PCNX1: variants seen among roughly 807,000 people sequenced by gnomAD.
PCNX1 encodes the protein pecanex-like protein 1.
A neutral mutation model predicts 242.2 loss-of-function variants in PCNX1; 78 were observed. That is an observed-to-expected ratio of 0.32 (90% confidence interval 0.27 to 0.39). The LOEUF (loss-of-function observed/expected upper bound fraction) is 0.39, where lower values mean the gene tolerates loss of function less well. Ranked by LOEUF, PCNX1 falls within the 10% of genes least tolerant of loss-of-function variation. PCNX1 has a pLI of 1.00. For synonymous variants in PCNX1, 1,024 were observed against 1,032.9 expected (o/e 0.99, Z 0.17); for missense variants, 2,581 against 2,856.5 (o/e 0.90, Z 2.20).
chr14:71,115,105 G>C lies in PCNX1; in HGVS notation c.*5170G>C, dbSNP rs895820739. The C allele has an allele frequency of 1.3e-5, 2 of 152,582 alleles. No homozygotes were observed. Among genetic ancestry groups the C allele is most frequent in the Admixed American group, 6.5e-5 (1 of 15,276 alleles). The allele number at this position is 152,582 out of a possible 1,614,324, so 9.5% of individuals were successfully genotyped here. On this transcript the variant is annotated 3_prime_UTR_variant, in exon 36 of 36. Transcript: ENST00000304743. ...TGAAAATGATTCTAGGAAAGTGAAC[G>C]TAAGAAAGGAAAATGGGTTTTCCTT...
Position 71,111,809 on chromosome 14 carries a change from G to T in PCNX1, c.*1874G>T, listed in dbSNP as rs1450603751. 1.3e-5 allele frequency: 2 copies of T among 152,084 alleles called. No individual in the cohort carries two copies. Among genetic ancestry groups the T allele is most frequent in the Non-Finnish European group, 2.9e-5 (2 of 67,938 alleles). 9.4% of individuals were successfully genotyped at this position (152,084 alleles called of 1,614,324 possible). ...GACTTCACACTTTACAAAATTTACT[G>T]TTTAAAAATACTTGTCAAATGATTT... On this transcript the variant is annotated 3_prime_UTR_variant, in exon 36 of 36. Transcript: ENST00000304743.
chr14:70,910,031 CCCTCCTCCTCCTCCTCCT>C (rs146962491), intron 1 of PCNX1, among the ~76,000 whole-genome samples: 2 of 9,618 alleles, frequency 2.1e-4, no homozygotes, highest in Admixed American at 1.1e-3. Flanking sequence ...GACGACTCCT[CCCTCCTCCTCCTCCTCCT>C]CCTCCTCCTC....
intron 2 of PCNX1, among the ~76,000 whole-genome samples, chr14:70,950,715 C>T (rs1170162028): frequency 2.0e-5 from 3 of 151,466 alleles, no homozygotes; most frequent in Non-Finnish European, 4.4e-5. Flanking sequence ...GTTTAATATT[C>T]CCGTTTTTGA....
Position 70,997,290 on chromosome 14 carries a change from C to A in PCNX1, c.2629+1365C>A, listed in dbSNP as rs74060523. ...ATCTGCAGATATAAAATTACAGTTA[C>A]CATCTCATTGTTCATTGGCTTTATA... On this transcript the variant is annotated intron_variant, in intron 8 of 35. Transcript: ENST00000304743. Among the ~76,000 whole-genome samples, 1,335 of 152,196 alleles carry A rather than the reference C, an allele frequency of 8.8e-3. 28 individuals are homozygous for A. Among genetic ancestry groups the A allele is most frequent in the African/African-American group, 0.03 (1,260 of 41,548 alleles).
At chr14:71,013,562 G>GTTATTTTTTTTTTTTTTTTTTT in intron 11 of PCNX1, among the ~76,000 whole-genome samples, 1 of 145,564 alleles carries the variant, frequency 6.9e-6, no homozygotes, top group African/African-American at 2.5e-5. Flanking sequence ...TGTTTCCCTG[G>GTTATTTTTTTTTTTTTTTTTTT]TTCTTAACAC....
intron 7 of PCNX1, among the ~76,000 whole-genome samples, chr14:70,994,426 T>TATATATATATATATATATATATATAG (rs1387360991): frequency 4.6e-4 from 53 of 114,952 alleles, no homozygotes; most frequent in Middle Eastern, 3.9e-3. Context: ...TATATATATA[T>TATATATATATATATATATATATATAG]ATATGTATGT....
chr14:70,948,697 A>C (rs2051865), intron 2 of PCNX1, among the ~76,000 whole-genome samples: 1 of 148,954 alleles, frequency 6.7e-6, no homozygotes, highest in Non-Finnish European at 1.5e-5. Context: ...ATACACGTGT[A>C]TATATACACA....
rs2055621282 is a variant in PCNX1, at chr14:70,907,758, G to A, written c.-93G>A. ...CCGGAGCTCCGGAGGTGGATAGACG[G>A]GGCAGCTGCAGGCTCCGGCGACCGA... On this transcript the variant is annotated 5_prime_UTR_variant, in exon 1 of 36. Transcript: ENST00000304743. 8.5e-7 allele frequency: 1 copy of A among 1,179,188 alleles called. No homozygotes were observed. The allele number at this position is 1,179,188 out of a possible 1,614,324, so 73.0% of individuals were successfully genotyped here.
intron 1 of PCNX1, among the ~76,000 whole-genome samples, chr14:70,929,372 A>C (rs2056706994): frequency 6.6e-6 from 1 of 150,826 alleles, no homozygotes. Flanking sequence ...CCAAGAAGGA[A>C]TTATATTATC....
chr14:70,945,108 CAGG>C (rs770462558), intron 1 of PCNX1, among the ~76,000 whole-genome samples: 1 of 152,198 alleles, frequency 6.6e-6, no homozygotes, highest in Non-Finnish European at 1.5e-5. Context: ...ACCCTCTAAT[CAGG>C]AGGTTGGTTC....
intron 8 of PCNX1, among the ~76,000 whole-genome samples, chr14:71,004,330 C>T (rs1303868262): frequency 1.3e-5 from 2 of 152,324 alleles, no homozygotes; most frequent in Middle Eastern, 3.4e-3. Flanking sequence ...CATGGATCTG[C>T]GGCCTGTTAG....
chr14:71,082,329 A>G (rs1026553608), intron 28 of PCNX1, among the ~76,000 whole-genome samples: 1 of 152,334 alleles, frequency 6.6e-6, no homozygotes, highest in Middle Eastern at 3.4e-3. Context: ...AAGAATGTAT[A>G]TTCTGTTGAT....
Position 71,073,617 on chromosome 14 carries a change from G to C in PCNX1, c.4925G>C (p.Cys1642Ser). The C allele has an allele frequency of 6.2e-7, 1 of 1,614,000 alleles. No homozygotes were observed. The highest frequency in any genetic ancestry group is 8.5e-7 in the Non-Finnish European group (1 of 1,179,944). ...GVEEDEGFCC[C>S]EPGHIPHMLS... Reference sequence around the variant, plus strand: ...GAGGAAGATGAAGGATTTTGCTGTTGTGAACCTGGCCATATTCCTCACATG... The same window carrying C: ...GAGGAAGATGAAGGATTTTGCTGTTCTGAACCTGGCCATATTCCTCACATG... The change falls in exon 27 of 36, where the codon TGT becomes TCT. Residue 1642 changes from cysteine to serine, a missense_variant. This residue lies in a region of PCNX1 where 298 missense variants were observed against 480.1 expected (regional missense o/e 0.62). Transcript: ENST00000304743.
At chr14:71,068,583 TGTAC>T (rs1308479394) in intron 26 of PCNX1, among the ~76,000 whole-genome samples, 1 of 120,430 alleles carries the variant, frequency 8.3e-6, no homozygotes, top group Non-Finnish European at 1.6e-5. Flanking sequence ...TAGGTTTGTA[TGTAC>T]GTGCGTGTGT....
intron 3 of PCNX1, among the ~76,000 whole-genome samples, chr14:70,967,640 A>G (rs983155776): frequency 2.0e-5 from 3 of 152,086 alleles, no homozygotes; most frequent in African/African-American, 7.2e-5. Context: ...GATGCCTTAG[A>G]CTTTTATTGA....
chr14:70,948,626 CATAT>C (rs1200201192), intron 2 of PCNX1, among the ~76,000 whole-genome samples: 5 of 148,392 alleles, frequency 3.4e-5, no homozygotes, highest in Admixed American at 1.3e-4. Context: ...TATATATACA[CATAT>C]ATAGTTGTGT....
At chr14:70,948,895 A>T (rs1251843093) in intron 2 of PCNX1, among the ~76,000 whole-genome samples, 2 of 148,316 alleles carry the variant, frequency 1.3e-5, no homozygotes, top group South Asian at 2.1e-4. Context: ...ATATATACAC[A>T]CATACGTGTA....
intron 19 of PCNX1, among the ~76,000 whole-genome samples, chr14:71,041,047 C>A (rs576193688): frequency 6.6e-6 from 1 of 152,026 alleles, no homozygotes; most frequent in Non-Finnish European, 1.5e-5. Flanking sequence ...TGTATATGTA[C>A]CACATTTTCT....
intron 32 of PCNX1, among the ~76,000 whole-genome samples, 187 bp downstream of exon 32, chr14:71,103,856 C>T (rs749491993): frequency 6.6e-6 from 1 of 152,170 alleles, no homozygotes; most frequent in Non-Finnish European, 1.5e-5. Context: ...TTAGATAAAT[C>T]TGATGTATAA....
Sources: allele counts gnomAD v4.1 joint callset (sites outside exome capture counted in the v4.1 genomes callset), GRCh38; gene constraint gnomAD v4.1.1; regional missense constraint gnomAD v4.1.1; transcripts MANE v1.5; gene names NCBI Gene and HGNC (gene_info 2026-07-23, HGNC 2026-07-21).